The following EEPD1 variants were observed in gnomAD, a reference collection of about 807,000 sequenced individuals.
EEPD1 encodes endonuclease/exonuclease/phosphatase family domain-containing protein 1.
In EEPD1, 17 loss-of-function variants were observed where a neutral mutation model predicts 46.3. The ratio of observed to expected loss-of-function variants is 0.37; its 90% CI spans 0.25 to 0.55. The LOEUF (loss-of-function observed/expected upper bound fraction) is 0.55, where lower values mean the gene tolerates loss of function less well. EEPD1 is among the 20% of genes least tolerant of loss of function. The pLI is 0.83. For missense variants in EEPD1, 673 were observed against 745.6 expected, an observed-to-expected ratio of 0.90 and a Z score of 1.13; for synonymous variants, 313 against 315.6, an observed-to-expected ratio of 0.99 and a Z score of 0.09.
At chr7:36,156,870 T>C (rs1784833216) in intron 2 of EEPD1, among the ~76,000 whole-genome samples, 1 of 152,224 alleles carries the variant, frequency 6.6e-6, no homozygotes, top group Non-Finnish European at 1.5e-5. Context: ...AGCCCCTTCC[T>C]CTGGCAGGGT....
At chr7:36,227,140 G>T (rs372663892) in intron 2 of EEPD1, among the ~76,000 whole-genome samples, 2 of 152,118 alleles carry the variant, frequency 1.3e-5, no homozygotes, top group African/African-American at 4.8e-5. Context: ...GTATAATTTT[G>T]TGCTCAAAAT....
intron 3 of EEPD1, among the ~76,000 whole-genome samples, chr7:36,273,504 A>T (rs1246267616): frequency 1.3e-5 from 2 of 152,008 alleles, no homozygotes; most frequent in African/African-American, 2.4e-5. Context: ...ATAAGAGCTT[A>T]AAAGTGAGCT....
intron 2 of EEPD1, among the ~76,000 whole-genome samples, chr7:36,227,984 G>A (rs781173866): frequency 2.6e-5 from 4 of 151,912 alleles, no homozygotes; most frequent in African/African-American, 9.7e-5. Context: ...CACCACACCC[G>A]GCCTAATCCC....
intron 2 of EEPD1, among the ~76,000 whole-genome samples, chr7:36,203,683 G>A (rs1300135767): frequency 2.0e-5 from 3 of 152,194 alleles, no homozygotes; most frequent in Admixed American, 2.0e-4. Flanking sequence ...CAACCAATTG[G>A]TATAATGAAA....
At chr7:36,174,056 T>C (rs566082121) in intron 2 of EEPD1, among the ~76,000 whole-genome samples, 1 of 152,168 alleles carries the variant, frequency 6.6e-6, no homozygotes, top group Non-Finnish European at 1.5e-5. Context: ...GTCCTTGGGA[T>C]GGCAGAGACT....
chr7:36,297,270 C>T (rs1231376100), intron 7 of EEPD1, 83 bp downstream of exon 7: 30 of 1,444,912 alleles, frequency 2.1e-5, no homozygotes, highest in Non-Finnish European at 2.9e-5. Flanking sequence ...GTCATCTCAC[C>T]TCCTCTGAGG....
chr7:36,186,858 A>G (rs1785365770), intron 2 of EEPD1, among the ~76,000 whole-genome samples: 2 of 152,156 alleles, frequency 1.3e-5, no homozygotes, highest in Admixed American at 1.3e-4. Context: ...ATAACAAACC[A>G]TTTTTGCCAC....
chr7:36,211,850 G>A (rs1187065308), intron 2 of EEPD1, among the ~76,000 whole-genome samples: 1 of 151,896 alleles, frequency 6.6e-6, no homozygotes, highest in Admixed American at 6.6e-5. Context: ...GCTTGAACCC[G>A]GGAGGTGGAG....
chr7:36,206,655 C>T (rs559093764), intron 2 of EEPD1, among the ~76,000 whole-genome samples: 5 of 152,208 alleles, frequency 3.3e-5, no homozygotes, highest in Non-Finnish European at 7.3e-5. Context: ...AAAACAAAAG[C>T]ATTACACCTT....
chr7:36,270,204 G>T (rs1787082126), intron 3 of EEPD1, among the ~76,000 whole-genome samples: 1 of 152,172 alleles, frequency 6.6e-6, no homozygotes, highest in Admixed American at 6.5e-5. Context: ...AATATTAGCA[G>T]TAGTGGTCTT....
chr7:36,221,834 CA>C (rs1458193650), intron 2 of EEPD1, among the ~76,000 whole-genome samples: 2 of 152,116 alleles, frequency 1.3e-5, no homozygotes, highest in Non-Finnish European at 2.9e-5. Context: ...TAAATAGCTG[CA>C]GTCATTATCC....
At chr7:36,159,094 A>G (rs1038559094) in intron 2 of EEPD1, among the ~76,000 whole-genome samples, 2 of 152,242 alleles carry the variant, frequency 1.3e-5, no homozygotes, top group African/African-American at 2.4e-5. Context: ...ACTTTATTAG[A>G]CTTGATTAGT....
intron 2 of EEPD1, among the ~76,000 whole-genome samples, chr7:36,203,105 G>A (rs1357023443): frequency 6.6e-6 from 1 of 152,214 alleles, no homozygotes; most frequent in African/African-American, 2.4e-5. Flanking sequence ...CCCAAAGAGG[G>A]AAGAATTTTG....
chr7:36,181,378 C>T (rs1017548322), intron 2 of EEPD1, among the ~76,000 whole-genome samples: 1 of 152,222 alleles, frequency 6.6e-6, no homozygotes, highest in Non-Finnish European at 1.5e-5. Flanking sequence ...GTGCTCACCT[C>T]TGTGTTTGGT....
At chr7:36,239,963 G>A (rs1213651801) in intron 3 of EEPD1, among the ~76,000 whole-genome samples, 5 of 152,202 alleles carry the variant, frequency 3.3e-5, no homozygotes, top group African/African-American at 4.8e-5. Context: ...AACTATATTC[G>A]TTTATTTTTG....
intron 3 of EEPD1, among the ~76,000 whole-genome samples, chr7:36,263,333 G>A (rs1253194492): frequency 6.6e-6 from 1 of 152,044 alleles, no homozygotes; most frequent in Non-Finnish European, 1.5e-5. Flanking sequence ...CCTGTCTCAA[G>A]GGAGGGGGGG....
At chr7:36,160,138 C>G (rs903428072) in intron 2 of EEPD1, among the ~76,000 whole-genome samples, 1 of 152,222 alleles carries the variant, frequency 6.6e-6, no homozygotes, top group Non-Finnish European at 1.5e-5. Flanking sequence ...TTCTTACTCA[C>G]TCATTCACCC....
chr7:36,218,302 A>G (rs1192605442), intron 2 of EEPD1, among the ~76,000 whole-genome samples: 1 of 152,164 alleles, frequency 6.6e-6, no homozygotes, highest in Non-Finnish European at 1.5e-5. Flanking sequence ...ACCTATGGTA[A>G]AGTTTAACTT....
At chr7:36,233,591 C>T (rs1786375424) in intron 2 of EEPD1, among the ~76,000 whole-genome samples, 1 of 152,166 alleles carries the variant, frequency 6.6e-6, no homozygotes, top group Admixed American at 6.5e-5. Context: ...CCCCGATATA[C>T]TCATGCTTCA....
Sources: gnomAD v4.1 joint callset for allele counts (sites outside exome capture counted in the v4.1 genomes callset) on GRCh38, gnomAD v4.1.1 for gene constraint, MANE v1.5 for transcripts, NCBI Gene and HGNC (gene_info 2026-07-23, HGNC 2026-07-21) for gene names.